Variants in FYB1 observed in about 807,000 individuals in gnomAD.
The protein encoded by FYB1 is FYN-binding protein 1.
In FYB1, 41 loss-of-function variants were observed where a neutral mutation model predicts 94.1. The observed-to-expected ratio is 0.44, with a 90% confidence interval of 0.34 to 0.57. The LOEUF is 0.57. FYB1 is among the 20% of genes least tolerant of loss of function. The pLI, the probability that FYB1 is intolerant of heterozygous loss-of-function variation, is 0.02. For missense variants in FYB1, 1,050 were observed against 976.8 expected, an observed-to-expected ratio of 1.07 and a Z score of -1.00; for synonymous variants, 367 against 353.2, an observed-to-expected ratio of 1.04 and a Z score of -0.44.
chr5:39,249,519 T>A (rs570615415), intron 1 of FYB1, among the ~76,000 whole-genome samples: 1 of 152,148 alleles, frequency 6.6e-6, no homozygotes, highest in African/African-American at 2.4e-5. Flanking sequence ...ATATGGAGGG[T>A]TGGAGCCAGA....
intron 1 of FYB1, among the ~76,000 whole-genome samples, chr5:39,256,621 T>C (rs1751952269): frequency 6.6e-6 from 1 of 152,146 alleles, no homozygotes; most frequent in Non-Finnish European, 1.5e-5. Flanking sequence ...TACGACGATT[T>C]CACCCTCACA....
intron 17 of FYB1, among the ~76,000 whole-genome samples, chr5:39,109,594 T>A (rs1211865325): frequency 6.6e-6 from 1 of 152,130 alleles, no homozygotes; most frequent in African/African-American, 2.4e-5. Context: ...CACACTGATT[T>A]GTGTTTTTCT....
At chr5:39,199,649 G>A (rs2150487739) in intron 2 of FYB1, among the ~76,000 whole-genome samples, 1 of 152,214 alleles carries the variant, frequency 6.6e-6, no homozygotes. Context: ...AAAAAGCCGG[G>A]GTGGGGGGTA....
At chr5:39,246,283 T>C (rs932767906) in intron 1 of FYB1, among the ~76,000 whole-genome samples, 2 of 152,170 alleles carry the variant, frequency 1.3e-5, no homozygotes, top group Non-Finnish European at 2.9e-5. Context: ...CACTAACCCA[T>C]AAAATTGTAG....
At chr5:39,195,021 T>C (rs1747705531) in intron 2 of FYB1, among the ~76,000 whole-genome samples, 2 of 152,120 alleles carry the variant, frequency 1.3e-5, no homozygotes, top group African/African-American at 2.4e-5. Flanking sequence ...GCCTGGCTGT[T>C]ACCCGAAGCT....
At chr5:39,268,309 C>T (rs1752521217) in intron 1 of FYB1, among the ~76,000 whole-genome samples, 1 of 151,304 alleles carries the variant, frequency 6.6e-6, no homozygotes, top group Non-Finnish European at 1.5e-5. Context: ...ATCACTGCCG[C>T]CTTGAACTCC....
At chr5:39,250,627 A>C (rs576978239) in intron 1 of FYB1, 10 of 152,094 alleles carry the variant, frequency 6.6e-5, no homozygotes, top group Non-Finnish European at 1.3e-4. Flanking sequence ...AAATGGCAGG[A>C]TTACTTGAAA....
intron 1 of FYB1, among the ~76,000 whole-genome samples, chr5:39,227,559 A>C (rs1463092530): frequency 2.6e-5 from 4 of 152,240 alleles, no homozygotes; most frequent in Non-Finnish European, 5.9e-5. Context: ...GTTATTGTTT[A>C]AGCTTTTCTG....
chr5:39,182,598 G>T (rs1034231609), intron 2 of FYB1, among the ~76,000 whole-genome samples: 2 of 152,182 alleles, frequency 1.3e-5, no homozygotes, highest in African/African-American at 4.8e-5. Flanking sequence ...CTTCTTTTAG[G>T]AGAATCATCT....
rs755005279 is a variant in FYB1, at chr5:39,118,915, G to A, written c.2360C>T (p.Thr787Ile). The change falls in exon 16 of 19, where the codon ACA becomes ATA. Residue 787 changes from threonine to isoleucine, a missense_variant. Transcript: ENST00000512982. ...PGESLEVIQTTDDTKVLCRNE... is the reference protein window; with the variant it reads ...PGESLEVIQTIDDTKVLCRNE... ...TCTGCAGAGAACTTTTGTGTCATCT[G>A]TGGTTTGTATAACTTCTAGAGATTC... The A allele has an allele frequency of 6.4e-7, 1 of 1,552,328 alleles. No homozygotes were observed. Among genetic ancestry groups the A allele is most frequent in the Non-Finnish European group, 8.7e-7 (1 of 1,144,136 alleles).
chr5:39,250,418 A>G (rs1431955219), intron 1 of FYB1, among the ~76,000 whole-genome samples: 1 of 152,238 alleles, frequency 6.6e-6, no homozygotes, highest in Non-Finnish European at 1.5e-5. Flanking sequence ...ATCAAATGCC[A>G]TCAACATGTT....
chr5:39,268,876 A>C (rs920747743), intron 1 of FYB1, among the ~76,000 whole-genome samples: 2 of 151,048 alleles, frequency 1.3e-5, no homozygotes, highest in African/African-American at 4.9e-5. Context: ...TGTTACTTTT[A>C]TTATAAGAAA....
Position 39,107,321 on chromosome 5 carries a change from C to A in FYB1, c.*122G>T. On this transcript the variant is annotated 3_prime_UTR_variant, in exon 19 of 19. Coordinates refer to ENST00000512982, the MANE Select transcript of FYB1 (RefSeq NM_001465.6). Reference sequence around the variant, plus strand: ...CACTTTGTAAAGATAATTGGGATTTCATAACAAATGATAATAAGTGGTTTT... The same window carrying A: ...CACTTTGTAAAGATAATTGGGATTTAATAACAAATGATAATAAGTGGTTTT... The A allele has an allele frequency of 1.7e-6, 1 of 583,508 alleles. No individual in the cohort carries two copies. The highest frequency in any genetic ancestry group is 3.4e-5 in the South Asian group (1 of 29,704). 36.1% of individuals were successfully genotyped at this position (583,508 alleles called of 1,614,324 possible).
intron 1 of FYB1, among the ~76,000 whole-genome samples, chr5:39,271,978 G>A (rs748541616): frequency 2.1e-4 from 32 of 152,136 alleles, no homozygotes; most frequent in Admixed American, 8.5e-4. Context: ...TCACTAGAAA[G>A]CCTCTTATCT....
intron 1 of FYB1, among the ~76,000 whole-genome samples, chr5:39,265,615 C>G (rs1752404446): frequency 6.6e-6 from 1 of 152,128 alleles, no homozygotes; most frequent in Non-Finnish European, 1.5e-5. Flanking sequence ...CAAGATCACG[C>G]CATTGCACTC....
At chr5:39,215,627 C>T (rs1235619339) in intron 1 of FYB1, among the ~76,000 whole-genome samples, 1 of 152,144 alleles carries the variant, frequency 6.6e-6, no homozygotes, top group Non-Finnish European at 1.5e-5. Context: ...CCAGTGGAAT[C>T]CTGGATCTGT....
At chr5:39,185,611 T>C (rs13153227) in intron 2 of FYB1, among the ~76,000 whole-genome samples, 82,345 of 138,424 alleles carry the variant, frequency 0.59, 27,818 homozygotes, top group Non-Finnish European at 0.74. Flanking sequence ...TATATACACA[T>C]ATATATATAT....
chr5:39,227,731 A>C (rs1263882923), intron 1 of FYB1, among the ~76,000 whole-genome samples: 1 of 152,208 alleles, frequency 6.6e-6, no homozygotes, highest in African/African-American at 2.4e-5. Context: ...CCGTCATTGA[A>C]GTCACCTGCC....
intron 2 of FYB1, among the ~76,000 whole-genome samples, chr5:39,198,681 A>G (rs972643248): frequency 6.6e-6 from 1 of 152,140 alleles, no homozygotes; most frequent in African/African-American, 2.4e-5. Flanking sequence ...ATTTTGCCCA[A>G]TTGTAGGCTA....
Sources: allele counts gnomAD v4.1 joint callset (sites outside exome capture counted in the v4.1 genomes callset), GRCh38; gene constraint gnomAD v4.1.1; transcripts MANE v1.5; gene names NCBI Gene and HGNC (gene_info 2026-07-23, HGNC 2026-07-21).